TMTC2: variants seen among roughly 807,000 people sequenced by gnomAD.
TMTC2 encodes the protein transmembrane O-mannosyltransferase targeting cadherins 2.
A neutral mutation model predicts 82.4 loss-of-function variants in TMTC2; 43 were observed. The observed-to-expected ratio is 0.52, with a 90% confidence interval of 0.41 to 0.67. TMTC2 has a LOEUF of 0.67. TMTC2 is among the 30% of genes least tolerant of loss of function. The pLI, the probability that TMTC2 is intolerant of heterozygous loss-of-function variation, is 0.00. For missense variants in TMTC2, 919 were observed against 1,012.4 expected, an observed-to-expected ratio of 0.91 and a Z score of 1.25; for synonymous variants, 408 against 381.9, an observed-to-expected ratio of 1.07 and a Z score of -0.80.
intron 2 of TMTC2, among the ~76,000 whole-genome samples, chr12:82,877,929 A>G (rs866717016): frequency 9.2e-5 from 14 of 152,216 alleles, no homozygotes; most frequent in African/African-American, 3.4e-4. Flanking sequence ...TCACCTAGAC[A>G]TGTATACTTT....
intron 1 of TMTC2, among the ~76,000 whole-genome samples, chr12:82,732,381 C>T (rs1475523060): frequency 2.6e-5 from 4 of 151,830 alleles, no homozygotes; most frequent in African/African-American, 9.7e-5. Context: ...CTTGTCCTGT[C>T]GCCCAGGCTG....
intron 9 of TMTC2, among the ~76,000 whole-genome samples, chr12:83,039,055 C>T (rs540575156): frequency 1.2e-4 from 18 of 151,812 alleles, no homozygotes. Flanking sequence ...CCTTAGCTTC[C>T]CGAATAGCCG....
intron 1 of TMTC2, among the ~76,000 whole-genome samples, chr12:82,764,979 G>A (rs1310613194): frequency 1.3e-5 from 2 of 149,050 alleles, no homozygotes; most frequent in Non-Finnish European, 3.0e-5. Context: ...GTGGGCGGGG[G>A]GGTGACTGCA....
At chr12:82,836,864 T>TCCTTCATC (rs1292021838) in intron 1 of TMTC2, among the ~76,000 whole-genome samples, 1 of 152,172 alleles carries the variant, frequency 6.6e-6, no homozygotes, top group Non-Finnish European at 1.5e-5. Flanking sequence ...CAGCCTTCAT[T>TCCTTCATC]CCTTCATCAC....
At chr12:82,941,809 G>T (rs1221830687) in intron 4 of TMTC2, among the ~76,000 whole-genome samples, 1 of 152,116 alleles carries the variant, frequency 6.6e-6, no homozygotes, top group East Asian at 1.9e-4. Context: ...GCCCAGGCTG[G>T]AGTGCAGTGT....
intron 8 of TMTC2, among the ~76,000 whole-genome samples, chr12:83,029,114 T>TTTTTGTTTTG (rs375722686): frequency 6.6e-6 from 1 of 152,026 alleles, no homozygotes; most frequent in Admixed American, 6.6e-5. Flanking sequence ...AACAATGAGT[T>TTTTTGTTTTG]TTTTGTTTTG....
At chr12:83,105,646 C>T (rs764726296) in intron 11 of TMTC2, among the ~76,000 whole-genome samples, 3 of 152,168 alleles carry the variant, frequency 2.0e-5, no homozygotes, top group Non-Finnish European at 2.9e-5. Flanking sequence ...ATCCATCCCA[C>T]GACCCAAACA....
At chr12:82,926,177 CA>C in intron 3 of TMTC2, among the ~76,000 whole-genome samples, 1 of 152,210 alleles carries the variant, frequency 6.6e-6, no homozygotes, top group East Asian at 1.9e-4. Context: ...GATGGGGTTT[CA>C]CCATGTTGGC....
chr12:83,075,720 C>T (rs557470357), intron 11 of TMTC2, among the ~76,000 whole-genome samples: 8 of 152,146 alleles, frequency 5.3e-5, no homozygotes, highest in Non-Finnish European at 1.2e-4. Flanking sequence ...TGTTCATTTC[C>T]CTGACAGCTT....
At chr12:82,843,007 G>A (rs1371248579) in intron 1 of TMTC2, among the ~76,000 whole-genome samples, 1 of 152,154 alleles carries the variant, frequency 6.6e-6, no homozygotes, top group Non-Finnish European at 1.5e-5. Flanking sequence ...CAGTGTGTGT[G>A]GCACATAACA....
intron 11 of TMTC2, among the ~76,000 whole-genome samples, chr12:83,062,955 A>G (rs1882795476): frequency 6.6e-6 from 1 of 151,858 alleles, no homozygotes; most frequent in Non-Finnish European, 1.5e-5. Context: ...CTTTTTCTTA[A>G]GCATCCTAAG....
At chr12:82,993,599 A>G (rs1879490654) in intron 8 of TMTC2, among the ~76,000 whole-genome samples, 1 of 152,212 alleles carries the variant, frequency 6.6e-6, no homozygotes, top group South Asian at 2.1e-4. Context: ...ATGCACACAA[A>G]CACAGGCTAT....
chr12:82,731,617 TTA>T (rs1272921077), intron 1 of TMTC2, among the ~76,000 whole-genome samples: 1 of 152,224 alleles, frequency 6.6e-6, no homozygotes, highest in Admixed American at 6.5e-5. Context: ...ATTGAAAGTT[TTA>T]GACTATTACT....
chr12:82,903,695 G>A (rs150537708), intron 3 of TMTC2, among the ~76,000 whole-genome samples: 2 of 152,180 alleles, frequency 1.3e-5, no homozygotes, highest in Non-Finnish European at 2.9e-5. Context: ...TTACAGGCGT[G>A]AGCCACCGCG....
intron 3 of TMTC2, among the ~76,000 whole-genome samples, chr12:82,908,633 T>G (rs1192469721): frequency 6.6e-6 from 1 of 152,154 alleles, no homozygotes; most frequent in East Asian, 1.9e-4. Context: ...GGTGTCATAT[T>G]CTGGTTTTAA....
chr12:82,969,133 A>T lies in TMTC2; in HGVS notation c.1948+2136A>T, dbSNP rs909355606. Among the ~76,000 whole-genome samples the T allele has an allele frequency of 9.8e-5, 15 of 152,304 alleles. 2 individuals are homozygous for T. Among genetic ancestry groups the T allele is most frequent in the Admixed American group, 9.2e-4 (14 of 15,300 alleles). On this transcript the variant is annotated intron_variant, in intron 7 of 11. Coordinates refer to ENST00000321196, the MANE Select transcript of TMTC2 (RefSeq NM_152588.3). ...ATTAGCCTCCATTTGACAAGAAAAA[A>T]AATGACCCAGGAGATAAGCTGCCCT...
At chr12:82,833,530 C>G (rs1869864274) in intron 1 of TMTC2, among the ~76,000 whole-genome samples, 1 of 152,272 alleles carries the variant, frequency 6.6e-6, no homozygotes, top group East Asian at 1.9e-4. Context: ...TTCTTTTTCT[C>G]AAAATGCTTT....
chr12:83,022,549 GA>G (rs1485536957), intron 8 of TMTC2, among the ~76,000 whole-genome samples: 2 of 152,058 alleles, frequency 1.3e-5, no homozygotes, highest in Admixed American at 6.5e-5. Flanking sequence ...CACATAGCAG[GA>G]ACTTAATCCA....
rs536013181 is a variant in TMTC2, at chr12:83,045,876, T to G, written c.2153-5028T>G. On this transcript the variant is annotated intron_variant, in intron 9 of 11. Coordinates refer to ENST00000321196, the MANE Select transcript of TMTC2 (RefSeq NM_152588.3). Reference sequence around the variant, plus strand: ...CTAATAGACAGAAAACACCTGAAAGTGATGCTCAGCACCTTCCTGATAAGA... The same window carrying G: ...CTAATAGACAGAAAACACCTGAAAGGGATGCTCAGCACCTTCCTGATAAGA... Among the ~76,000 whole-genome samples, 8 of 152,012 alleles carry G rather than the reference T, an allele frequency of 5.3e-5. No individual in the cohort carries two copies. In the South Asian group the frequency reaches 1.0e-3, roughly 20 times the overall value.
Sources: allele counts gnomAD v4.1 joint callset (sites outside exome capture counted in the v4.1 genomes callset), GRCh38; gene constraint gnomAD v4.1.1; transcripts MANE v1.5; gene names NCBI Gene and HGNC (gene_info 2026-07-23, HGNC 2026-07-21).